The following PRKCA variants were observed in gnomAD, a reference collection of about 807,000 sequenced individuals.
The protein encoded by PRKCA is protein kinase C alpha.
A neutral mutation model predicts 87.0 loss-of-function variants in PRKCA; 27 were observed. The ratio of observed to expected loss-of-function variants is 0.31; its 90% CI spans 0.23 to 0.43. The LOEUF (loss-of-function observed/expected upper bound fraction) is 0.43. PRKCA is among the 20% of genes least tolerant of loss of function. The pLI is 1.00. For missense variants in PRKCA, 518 were observed against 852.3 expected (o/e 0.61, Z 4.88); for synonymous variants, 329 against 311.1 (o/e 1.06, Z -0.61).
At chr17:66,410,469 A>G (rs1911717806) in intron 2 of PRKCA, among the ~76,000 whole-genome samples, 2 of 152,192 alleles carry the variant, frequency 1.3e-5, no homozygotes, top group African/African-American at 2.4e-5. Flanking sequence ...ACACTTCAAT[A>G]TAAGAAAATT....
intron 2 of PRKCA, among the ~76,000 whole-genome samples, chr17:66,422,767 T>C (rs1912560809): frequency 6.6e-6 from 1 of 152,202 alleles, no homozygotes; most frequent in African/African-American, 2.4e-5. Flanking sequence ...TTATAAGCAA[T>C]CTTGGATTCA....
At chr17:66,506,651 T>G (rs763227351) in intron 3 of PRKCA, among the ~76,000 whole-genome samples, 1 of 152,210 alleles carries the variant, frequency 6.6e-6, no homozygotes, top group Non-Finnish European at 1.5e-5. Flanking sequence ...CTCATCAGCA[T>G]CATTATTACG....
chr17:66,361,765 A>T (rs1908405166), intron 2 of PRKCA, among the ~76,000 whole-genome samples: 1 of 152,254 alleles, frequency 6.6e-6, no homozygotes, highest in Admixed American at 6.5e-5. Flanking sequence ...AGTAAATCAG[A>T]TGTACTTGTC....
chr17:66,408,420 G>C (rs930254356), intron 2 of PRKCA, among the ~76,000 whole-genome samples: 11 of 152,142 alleles, frequency 7.2e-5, no homozygotes, highest in African/African-American at 2.7e-4. Context: ...CTTGAGCTTT[G>C]AAAACTAGTT....
intron 14 of PRKCA, among the ~76,000 whole-genome samples, chr17:66,782,332 G>A (rs1229860953): frequency 6.6e-6 from 1 of 151,604 alleles, no homozygotes. Flanking sequence ...AGAGGAAACA[G>A]ACTAGGAAAA....
At chr17:66,796,845 G>C (rs1975681907) in intron 16 of PRKCA, 1 of 985,290 alleles carries the variant, frequency 1.0e-6, no homozygotes, top group South Asian at 4.7e-5. Flanking sequence ...ATACAAGTGA[G>C]GGTTCCCCTA....
At chr17:66,731,775 CTTTTTTTTTTTTTTTTT>C (rs796884841) in intron 8 of PRKCA, among the ~76,000 whole-genome samples, 1 of 71,420 alleles carries the variant, frequency 1.4e-5, no homozygotes, top group Non-Finnish European at 2.6e-5. Context: ...TGCTCCCTTT[CTTTTTTTTTTTTTTTTT>C]TTTTTTTTTT....
At chr17:66,791,274 A>G (rs1388171358) in intron 16 of PRKCA, among the ~76,000 whole-genome samples, 2 of 151,970 alleles carry the variant, frequency 1.3e-5, no homozygotes, top group African/African-American at 4.8e-5. Flanking sequence ...CCCAGGCCCT[A>G]AAACTGGAGG....
chr17:66,368,386 ATTTTTTT>A (rs1180540465), intron 2 of PRKCA, among the ~76,000 whole-genome samples: 5 of 25,468 alleles, frequency 2.0e-4, no homozygotes, highest in African/African-American at 4.8e-4. Context: ...ATATATATAT[ATTTTTTT>A]TTTTTTTTTT....
intron 13 of PRKCA, among the ~76,000 whole-genome samples, chr17:66,753,005 C>T (rs1974471942): frequency 6.6e-6 from 1 of 152,188 alleles, no homozygotes; most frequent in African/African-American, 2.4e-5. Flanking sequence ...ATAGGCTTTT[C>T]CTAAATCTTA....
At chr17:66,359,408 TAC>T in intron 2 of PRKCA, among the ~76,000 whole-genome samples, 1 of 152,220 alleles carries the variant, frequency 6.6e-6, no homozygotes, top group Non-Finnish European at 1.5e-5. Flanking sequence ...CTGGATTTGA[TAC>T]ACAGAAAACT....
chr17:66,320,854 T>C (rs905254780), intron 2 of PRKCA, among the ~76,000 whole-genome samples: 31 of 152,202 alleles, frequency 2.0e-4, no homozygotes, highest in African/African-American at 6.8e-4. Flanking sequence ...AATGTACATA[T>C]TTTTAGTAGC....
At position 66,799,124 on chromosome 17, in the gene PRKCA, G is replaced by A. The variant is rs149454160; in HGVS notation, c.1855-4749G>A. Among the ~76,000 whole-genome samples the A allele has an allele frequency of 7.0e-4, 6 of 8,526 alleles. 1 individual carries two copies. Among genetic ancestry groups the A allele is most frequent in the African/African-American group, 1.2e-3 (3 of 2,510 alleles). The allele number at this position is 8,526 out of a possible 152,430, so 5.6% of individuals were successfully genotyped here. A position where few individuals can be genotyped will look rare whatever the true frequency, so the allele number is the denominator to read the frequency against. On this transcript the variant is annotated intron_variant, in intron 16 of 16. Transcript: ENST00000413366. The stretch of plus-strand genomic sequence containing the variant: ...GGTGGTGATGGTGACGGTGGTGGTG[G>A]TGGTGGTGGTGGTGGTGGTGACGGT...
intron 14 of PRKCA, among the ~76,000 whole-genome samples, chr17:66,779,227 G>A (rs1975142668): frequency 6.6e-6 from 1 of 152,066 alleles, no homozygotes. Context: ...AGATGAGCAG[G>A]AAAAAAATAG....
intron 13 of PRKCA, among the ~76,000 whole-genome samples, chr17:66,765,418 C>CTATATATATATATATA (rs58356468): frequency 3.4e-4 from 17 of 49,328 alleles, no homozygotes; most frequent in African/African-American, 7.5e-4. Flanking sequence ...AAGACTTTGT[C>CTATATATATATATATA]TATATATATA....
rs904717215 is a variant in PRKCA at position 66,792,204 on chromosome 17, G to A, written c.1854+3225G>A. On this transcript the variant is annotated intron_variant, in intron 16 of 16. Coordinates refer to ENST00000413366, the MANE Select transcript of PRKCA (RefSeq NM_002737.3). The surrounding 1 kb of genome is among the most constrained non-coding windows in gnomAD (Gnocchi z 4.5). ...CTGAGACTTGCAGGCTTAAGGACAG[G>A]TAGCTGTTCTCACGTGCGGTGATGC... 6.6e-6 allele frequency among the ~76,000 whole-genome samples: 1 copy of A among 152,184 alleles called. No homozygotes were observed. Among genetic ancestry groups the A allele is most frequent in the African/African-American group, 2.4e-5 (1 of 41,446 alleles).
intron 2 of PRKCA, among the ~76,000 whole-genome samples, chr17:66,438,821 AAACT>A (rs1913555153): frequency 6.6e-6 from 1 of 152,296 alleles, no homozygotes; most frequent in African/African-American, 2.4e-5. Flanking sequence ...CTCTTGTGAG[AAACT>A]AACTCTCACG....
At chr17:66,731,309 A>G (rs1288476610) in intron 8 of PRKCA, among the ~76,000 whole-genome samples, 1 of 146,830 alleles carries the variant, frequency 6.8e-6, no homozygotes, top group East Asian at 2.1e-4. Context: ...GCGCCACTGC[A>G]CTGCGCTTCA....
intron 2 of PRKCA, among the ~76,000 whole-genome samples, chr17:66,376,672 G>A (rs1909434575): frequency 6.6e-6 from 1 of 152,046 alleles, no homozygotes; most frequent in East Asian, 1.9e-4. Context: ...CTCCACCCCA[G>A]CTCTCATCCC....
Sources: gnomAD v4.1 joint callset for allele counts (sites outside exome capture counted in the v4.1 genomes callset) on GRCh38, gnomAD v4.1.1 for gene constraint, Gnocchi (gnomAD v3.1) non-coding constraint, MANE v1.5 for transcripts, NCBI Gene and HGNC (gene_info 2026-07-23, HGNC 2026-07-21) for gene names.